ERBIN: variants seen among roughly 807,000 people sequenced by gnomAD.
ERBIN encodes the protein erbb2 interacting protein, also known as densin-180-like protein.
ERBIN carries 60 observed loss-of-function variants against 158.4 expected under a neutral mutation model. The observed-to-expected ratio is 0.38, with a 90% CI of 0.31 to 0.47. The LOEUF is 0.47. Ranked by LOEUF, ERBIN falls within the 20% of genes least tolerant of loss-of-function variation. The probability of loss-of-function intolerance (pLI) is 0.99; values close to 1 mark genes in which losing one functional copy is unlikely to be tolerated. For synonymous variants in ERBIN, 594 were observed against 557.2 expected (o/e 1.07, Z -0.93); for missense variants, 1,610 against 1,648.0 (o/e 0.98, Z 0.40).
intron 7 of ERBIN, among the ~76,000 whole-genome samples, chr5:66,019,666 T>C (rs1755479524): frequency 6.6e-6 from 1 of 152,140 alleles, no homozygotes; most frequent in Non-Finnish European, 1.5e-5. Context: ...TTATTACATA[T>C]CTGTATCACT....
chr5:65,975,180 G>A (rs1165410133), intron 1 of ERBIN, among the ~76,000 whole-genome samples: 1 of 152,048 alleles, frequency 6.6e-6, no homozygotes, highest in Non-Finnish European at 1.5e-5. Context: ...GCTGATTTTT[G>A]TATTATTGGT....
intron 23 of ERBIN, chr5:66,075,972 C>G (rs1438411098): frequency 5.0e-6 from 1 of 199,720 alleles, no homozygotes; most frequent in Non-Finnish European, 1.0e-5. Context: ...CAAGTGGAAA[C>G]TGATAATAAT....
Position 66,078,645 on chromosome 5 carries a change from C to A in ERBIN, c.*115C>A. Reference sequence around the variant, plus strand: ...AAAGAAGAACTCAAAAAATTATGTTCAAATTTGTACATTAATGAAATAATG... The same window carrying A: ...AAAGAAGAACTCAAAAAATTATGTTAAAATTTGTACATTAATGAAATAATG... On this transcript the variant is annotated 3_prime_UTR_variant, in exon 26 of 26. Transcript: ENST00000284037. 1.5e-6 allele frequency: 1 copy of A among 672,374 alleles called. No homozygotes were observed. The highest frequency in any genetic ancestry group is 1.9e-5 in the South Asian group (1 of 53,916). The allele number at this position is 672,374 out of a possible 1,614,324, so 41.7% of individuals were successfully genotyped here. A position where few individuals can be genotyped will look rare whatever the true frequency, so the allele number is the denominator to read the frequency against.
intron 21 of ERBIN, among the ~76,000 whole-genome samples, chr5:66,068,513 G>A (rs551452449): frequency 3.3e-4 from 50 of 152,188 alleles, no homozygotes; most frequent in African/African-American, 1.2e-3. Context: ...ATTAATTTCT[G>A]TTCTGTATAT....
At chr5:65,936,993 C>T (rs1744169247) in intron 1 of ERBIN, among the ~76,000 whole-genome samples, 1 of 152,094 alleles carries the variant, frequency 6.6e-6, no homozygotes, top group Non-Finnish European at 1.5e-5. Flanking sequence ...CTGAGAGAGG[C>T]AATATAGTAT....
chr5:66,014,066 A>G (rs993585502), intron 6 of ERBIN, among the ~76,000 whole-genome samples: 2 of 152,134 alleles, frequency 1.3e-5, no homozygotes, highest in Non-Finnish European at 2.9e-5. Flanking sequence ...TTTTAAACAA[A>G]CAGATGAATG....
chr5:65,977,104 C>T (rs1361643766), intron 1 of ERBIN, among the ~76,000 whole-genome samples: 2 of 148,552 alleles, frequency 1.3e-5, no homozygotes, highest in East Asian at 2.1e-4. Context: ...CGGGCAGAGG[C>T]GCCCCTCACC....
intron 4 of ERBIN, among the ~76,000 whole-genome samples, chr5:66,005,875 A>G (rs1004387650): frequency 1.3e-5 from 2 of 152,146 alleles, no homozygotes; most frequent in African/African-American, 4.8e-5. Context: ...ACTACAAACC[A>G]CTACTCAATG....
At chr5:66,010,352 T>TGAG (rs1428489112) in intron 4 of ERBIN, among the ~76,000 whole-genome samples, 5 of 152,186 alleles carry the variant, frequency 3.3e-5, no homozygotes, top group African/African-American at 1.2e-4. Context: ...AGTTGCCACA[T>TGAG]GATGATGTTA....
chr5:65,946,515 C>A (rs185368611), intron 1 of ERBIN, among the ~76,000 whole-genome samples: 107 of 152,158 alleles, frequency 7.0e-4, no homozygotes, highest in African/African-American at 2.6e-3. Context: ...CATGTGCTAC[C>A]AATTTGTTGA....
chr5:66,026,230 AATG>A, intron 12 of ERBIN, 69 bp from the exon 13 acceptor site: 3 of 943,844 alleles, frequency 3.2e-6, no homozygotes, highest in East Asian at 2.7e-5. Context: ...AACTTTCAAA[AATG>A]ATGTTTTTTA....
chr5:66,021,534 C>A, intron 8 of ERBIN, 149 bp downstream of exon 8: 1 of 531,100 alleles, frequency 1.9e-6, no homozygotes. Context: ...CAGAACTTTC[C>A]AGACAGATAG....
chr5:65,947,674 C>T (rs1349333032), intron 1 of ERBIN, among the ~76,000 whole-genome samples: 1 of 152,110 alleles, frequency 6.6e-6, no homozygotes, highest in Non-Finnish European at 1.5e-5. Flanking sequence ...AGAAATATGT[C>T]ACGAATTCTC....
At chr5:66,030,267 C>T (rs990030863) in intron 14 of ERBIN, among the ~76,000 whole-genome samples, 1 of 151,900 alleles carries the variant, frequency 6.6e-6, no homozygotes, top group Non-Finnish European at 1.5e-5. Context: ...GTCTGGAACT[C>T]CTGACCTCAG....
chr5:66,068,242 G>A (rs1761201240), intron 21 of ERBIN, among the ~76,000 whole-genome samples: 1 of 151,864 alleles, frequency 6.6e-6, no homozygotes, highest in African/African-American at 2.4e-5. Context: ...GTCTACTCAG[G>A]AGGCAAGATC....
In ERBIN at chr5:66,025,530, T is replaced by C; in HGVS notation, c.868T>C (p.Tyr290His). 1 of 1,612,460 alleles carries C rather than the reference T, an allele frequency of 6.2e-7. No individual in the cohort carries two copies. Among genetic ancestry groups the C allele is most frequent in the Non-Finnish European group, 8.5e-7 (1 of 1,178,750 alleles). Residue 290 changes from tyrosine (Y) to histidine (H), a missense_variant, in exon 11 of 26, where the codon TAT becomes CAT. Around this residue, in one of 2 missense-constraint regions of ERBIN, gnomAD observed 596 missense variants for 711.9 expected, o/e 0.84. Transcript: ENST00000284037. The stretch of plus-strand genomic sequence containing the variant: ...TAAAATAGATGAAAACCAGTTAATG[T>C]ATCTGCCAGACTCTATAGGAGGGTA... ...TLKIDENQLM[Y>H]LPDSIGGLIS...
intron 1 of ERBIN, among the ~76,000 whole-genome samples, chr5:65,931,212 G>T (rs1580048642): frequency 6.6e-6 from 1 of 152,186 alleles, no homozygotes; most frequent in South Asian, 2.1e-4. Flanking sequence ...CACTTTTAGG[G>T]CCATTATTAT....
intron 2 of ERBIN, among the ~76,000 whole-genome samples, chr5:65,992,465 A>G (rs1358419513): frequency 2.0e-5 from 3 of 152,188 alleles, no homozygotes; most frequent in Non-Finnish European, 2.9e-5. Context: ...CAGTTTTTGA[A>G]GAAGCATGTA....
intron 8 of ERBIN, among the ~76,000 whole-genome samples, chr5:66,022,338 A>T (rs1385455632): frequency 6.6e-6 from 1 of 152,220 alleles, no homozygotes; most frequent in Non-Finnish European, 1.5e-5. Context: ...CAAAATCGTC[A>T]TTAGTTTTTG....
Sources: allele counts gnomAD v4.1 joint callset (sites outside exome capture counted in the v4.1 genomes callset), GRCh38; gene constraint gnomAD v4.1.1; regional missense constraint gnomAD v4.1.1; transcripts MANE v1.5; gene names NCBI Gene and HGNC (gene_info 2026-07-23, HGNC 2026-07-21).